SLC12A8: variants seen among roughly 807,000 people sequenced by gnomAD.
SLC12A8 encodes cation-chloride cotransporter 9.
In SLC12A8, 69 loss-of-function variants were observed where a neutral mutation model predicts 75.6. The observed-to-expected ratio is 0.91, with a 90% CI of 0.75 to 1.11. SLC12A8 has a LOEUF of 1.11. SLC12A8 is among the 50% of genes most tolerant of loss of function. The pLI is 0.00. For missense variants in SLC12A8, 877 were observed against 896.7 expected (o/e 0.98, Z 0.28); for synonymous variants, 365 against 372.8 (o/e 0.98, Z 0.24).
At chr3:125,143,440 T>C (rs1338243202) in intron 5 of SLC12A8, among the ~76,000 whole-genome samples, 2 of 152,238 alleles carry the variant, frequency 1.3e-5, no homozygotes, top group East Asian at 3.8e-4. Flanking sequence ...GCCTGGAGTC[T>C]TCCTCGGACC....
At chr3:125,141,750 C>T (rs1057491153) in intron 5 of SLC12A8, among the ~76,000 whole-genome samples, 3 of 152,164 alleles carry the variant, frequency 2.0e-5, no homozygotes, top group African/African-American at 4.8e-5. Context: ...TCTGGGTCCC[C>T]CACCCCTGGA....
chr3:125,176,385 G>A (rs947199715), intron 5 of SLC12A8, among the ~76,000 whole-genome samples: 1 of 152,122 alleles, frequency 6.6e-6, no homozygotes, highest in Admixed American at 6.5e-5. Flanking sequence ...TTTTTTAATA[G>A]CAAGAAAATA....
At chr3:125,130,594 AAAAAAG>A (rs3061217) in intron 6 of SLC12A8, among the ~76,000 whole-genome samples, 70,527 of 121,876 alleles carry the variant, frequency 0.58, 18,391 homozygotes, top group Admixed American at 0.73. Context: ...CCTGTCTTAA[AAAAAAG>A]AAAAAGAAAA....
intron 6 of SLC12A8, 141 bp from the exon 7 acceptor site, chr3:125,120,827 G>A (rs1189453663): frequency 1.4e-6 from 1 of 724,926 alleles, no homozygotes; most frequent in African/African-American, 1.7e-5. Flanking sequence ...TCTGCGCATA[G>A]GCTGCTTTTC....
chr3:125,199,265 G>A (rs1045109145), intron 2 of SLC12A8, among the ~76,000 whole-genome samples: 1 of 152,142 alleles, frequency 6.6e-6, no homozygotes, highest in Non-Finnish European at 1.5e-5. Context: ...ATGGTCTAAT[G>A]ATAAAGCAAA....
intron 5 of SLC12A8, among the ~76,000 whole-genome samples, chr3:125,147,802 C>T (rs1168928910): frequency 6.6e-6 from 1 of 152,146 alleles, no homozygotes; most frequent in African/African-American, 2.4e-5. Flanking sequence ...CCCCAACCTG[C>T]GGCATTGGAA....
intron 3 of SLC12A8, among the ~76,000 whole-genome samples, chr3:125,188,046 C>T (rs1934828723): frequency 6.6e-6 from 1 of 152,088 alleles, no homozygotes; most frequent in African/African-American, 2.4e-5. Context: ...TTCCAAATCT[C>T]ATGTCGAAAT....
chr3:125,120,843 C>T (rs1355184676), intron 6 of SLC12A8, 157 bp from the exon 7 acceptor site: 4 of 710,894 alleles, frequency 5.6e-6, no homozygotes, highest in South Asian at 4.4e-5. Context: ...TTTTCAATCT[C>T]CCCTGGCAAC....
chr3:125,202,630 GT>G lies in SLC12A8; in HGVS notation c.51+8668del, dbSNP rs543411392. ...TAGCTAGGCGGAATGTATTAACCAT[GT>G]TTTTTTTTTTTTTTTTTTTAAATCT... On this transcript the variant is annotated intron_variant, in intron 2 of 13. Coordinates refer to ENST00000469902, the MANE Select transcript of SLC12A8 (RefSeq NM_024628.6). Among the ~76,000 whole-genome samples the G allele has an allele frequency of 9.1e-3, 1,336 of 147,618 alleles. 20 individuals are homozygous for G. Among genetic ancestry groups the G allele is most frequent in the African/African-American group, 0.03 (1,217 of 39,958 alleles).
chr3:125,107,584 G>GC lies in SLC12A8; in HGVS notation c.1601dup (p.Cys534TrpfsTer15). On this transcript the variant is annotated frameshift_variant, in exon 10 of 14. Coordinates refer to ENST00000469902, the MANE Select transcript of SLC12A8 (RefSeq NM_024628.6). LOFTEE classifies it high-confidence loss of function. ...CGCTCTTGGAAGTCTGCTTGTTCCA[G>GC]CAGGACTCCTGCCCCTCCCAGGAGG... 6.2e-7 allele frequency: 1 copy of GC among 1,614,162 alleles called. No individual in the cohort carries two copies. The highest frequency in any genetic ancestry group is 1.1e-5 in the South Asian group (1 of 91,078).
chr3:125,134,604 G>A lies in SLC12A8; in HGVS notation c.736+1065C>T, dbSNP rs115068944. 5.7e-3 allele frequency among the ~76,000 whole-genome samples: 870 copies of A among 152,312 alleles called. 7 individuals carry two copies. Among genetic ancestry groups the A allele is most frequent in the African/African-American group, 0.02 (826 of 41,582 alleles). ...CCTCTGCAGTAGATAACTAGGCATG[G>A]AATAGCTGGATGTAATTTTTAAGAA... is the stretch of plus-strand genomic sequence containing the variant. On this transcript the variant is annotated intron_variant, in intron 6 of 13. Coordinates refer to ENST00000469902, the MANE Select transcript of SLC12A8 (RefSeq NM_024628.6).
At chr3:125,160,947 T>A (rs1298653536) in intron 5 of SLC12A8, among the ~76,000 whole-genome samples, 1 of 152,218 alleles carries the variant, frequency 6.6e-6, no homozygotes, top group African/African-American at 2.4e-5. Flanking sequence ...AGATTCCACA[T>A]GCCCGGGTTC....
At chr3:125,179,267 A>G (rs1323758270) in intron 4 of SLC12A8, among the ~76,000 whole-genome samples, 1 of 152,166 alleles carries the variant, frequency 6.6e-6, no homozygotes, top group Non-Finnish European at 1.5e-5. Context: ...TCCATATTCT[A>G]TTATCATGTC....
Position 125,107,247 on chromosome 3 carries a change from C to A in SLC12A8, c.1705+234G>T, listed in dbSNP as rs569423468. Reference sequence around the variant, plus strand: ...ATACCCAATTACTAGCTGTGGCTCTCAGGTCTAACATACAGGAGTAGATAG... The same window carrying A: ...ATACCCAATTACTAGCTGTGGCTCTAAGGTCTAACATACAGGAGTAGATAG... On this transcript the variant is annotated intron_variant, in intron 10 of 13. Transcript: ENST00000469902. Among the ~76,000 whole-genome samples the A allele has an allele frequency of 9.8e-5, 15 of 152,310 alleles. No individual in the cohort carries two copies. The East Asian group carries it at 2.1e-3, about 22-fold the overall frequency.
chr3:125,143,599 G>A (rs1021099745), intron 5 of SLC12A8, among the ~76,000 whole-genome samples: 10 of 152,242 alleles, frequency 6.6e-5, no homozygotes, highest in African/African-American at 2.2e-4. Flanking sequence ...TGGCCAGAAG[G>A]GAAATCTGAA....
chr3:125,198,542 A>G (rs1047647963), intron 2 of SLC12A8, among the ~76,000 whole-genome samples: 3 of 152,130 alleles, frequency 2.0e-5, no homozygotes, highest in African/African-American at 7.2e-5. Context: ...CTGAGGCAGA[A>G]GCATCGCTTG....
intron 13 of SLC12A8, 156 bp downstream of exon 13, chr3:125,088,154 C>G (rs113981338): frequency 0.031 from 19,951 of 652,374 alleles, 631 homozygotes; most frequent in African/African-American, 0.11. Flanking sequence ...GTGGAGTGCA[C>G]GCAGGAGCAA....
rs1183099629 is a variant in SLC12A8, at chr3:125,142,627, A to T, written c.623-6845T>A. On this transcript the variant is annotated intron_variant, in intron 5 of 13. Transcript: ENST00000469902. ...GAGGACTCACTGTGGGACTGTAAAC[A>T]AGCCCTTTTCCCTCGGAGCTTTGAA... is the stretch of plus-strand genomic sequence containing the variant. Among the ~76,000 whole-genome samples the T allele has an allele frequency of 2.0e-5, 3 of 152,210 alleles. No individual in the cohort carries two copies. The South Asian group carries it at 6.2e-4, about 32-fold the overall frequency.
At chr3:125,111,147 T>C (rs1395647719) in intron 8 of SLC12A8, among the ~76,000 whole-genome samples, 1 of 152,194 alleles carries the variant, frequency 6.6e-6, no homozygotes, top group Non-Finnish European at 1.5e-5. Flanking sequence ...TGGTGCCCCC[T>C]CCACTAATCT....
Sources: gnomAD v4.1 joint callset for allele counts (sites outside exome capture counted in the v4.1 genomes callset) on GRCh38, gnomAD v4.1.1 for gene constraint, MANE v1.5 for transcripts, NCBI Gene and HGNC (gene_info 2026-07-23, HGNC 2026-07-21) for gene names.